Variants in SON observed in about 807,000 individuals in gnomAD.
SON encodes the protein protein SON.
SON carries 4 observed loss-of-function variants against 173.3 expected under a neutral mutation model. The ratio of observed to expected loss-of-function variants is 0.02; its 90% confidence interval spans 0.01 to 0.05. SON has a LOEUF of 0.05. Ranked by LOEUF, SON falls within the 10% of genes least tolerant of loss-of-function variation. The pLI, the probability that SON is intolerant of heterozygous loss-of-function variation, is 1.00. For synonymous variants in SON, 1,190 were observed against 1,105.9 expected, an observed-to-expected ratio of 1.08 and a Z score of -1.51; for missense variants, 2,626 against 3,055.3, an observed-to-expected ratio of 0.86 and a Z score of 3.31.
At chr21:33,568,824 G>A (rs932312371) in intron 7 of SON, 147 bp from the exon 8 acceptor site, 8 of 544,878 alleles carry the variant, frequency 1.5e-5, no homozygotes, top group Admixed American at 3.4e-5. Flanking sequence ...TGCTTCTTTA[G>A]AAAGTTTAGG....
At chr21:33,558,645 C>G (rs1480882042) in intron 4 of SON, 1 of 152,204 alleles carries the variant, frequency 6.6e-6, no homozygotes, top group East Asian at 1.9e-4. Flanking sequence ...CTTCAGCCTT[C>G]TTGTCCCAAG....
rs372985775 is a variant in SON, at chr21:33,559,185, A to G, written c.6322-45A>G. On this transcript the variant is annotated intron_variant, in intron 4 of 11. Coordinates refer to ENST00000356577, the MANE Select transcript of SON (RefSeq NM_138927.4). This position sits in a 1 kb window ranked among gnomAD's most constrained non-coding sequence, Gnocchi z 4.1. ...TTGATTCTAAGAAATTACATGTTCT[A>G]CATAAAGCGTAAGATTTATCTTTTG... The G allele has an allele frequency of 2.8e-6, 4 of 1,417,408 alleles. No homozygotes were observed. Among genetic ancestry groups the G allele is most frequent in the African/African-American group, 2.9e-5 (2 of 68,300 alleles). The allele number at this position is 1,417,408 out of a possible 1,614,324, so 87.8% of individuals were successfully genotyped here. A position where few individuals can be genotyped will look rare whatever the true frequency, so the allele number is the denominator to read the frequency against.
chr21:33,553,136 C>G lies in SON; in HGVS notation c.3905C>G (p.Pro1302Arg). ...GAACCAACTGTGTTAGCATCAGAGC[C>G]TCCTGTTATGTCAGAGACAGCAGAA... ...SAEPTVLASE[P>R]PVMSETAETF... Residue 1302 changes from proline to arginine, a missense_variant, in exon 3 of 12, where the codon CCT (proline) becomes CGT (arginine). Transcript: ENST00000356577. 1.2e-6 allele frequency: 2 copies of G among 1,614,218 alleles called. No individual in the cohort carries two copies. The highest frequency in any genetic ancestry group is 1.7e-6 in the Non-Finnish European group (2 of 1,180,046).
chr21:33,562,078 A>G (rs1271989581), intron 6 of SON, among the ~76,000 whole-genome samples: 1 of 152,222 alleles, frequency 6.6e-6, no homozygotes, highest in East Asian at 1.9e-4. Context: ...TCATATCTGC[A>G]CTTTTACCTG....
rs372497392 is a variant in SON at position 33,550,526 on chromosome 21, C to G, written c.1295C>G (p.Ala432Gly). The G allele has an allele frequency of 6.2e-7, 1 of 1,613,738 alleles. No individual in the cohort carries two copies. ...GTGCCTGAGTTGCCAGGGCCCCCTGCGACAGCAGTGCCTGAGTTGCCAGGG... is the reference window on the plus strand; with the variant it reads ...GTGCCTGAGTTGCCAGGGCCCCCTGGGACAGCAGTGCCTGAGTTGCCAGGG... Reference protein sequence around the residue: ...TPVPELPGPPATAVPELPGPS... With the variant: ...TPVPELPGPPGTAVPELPGPS... The change falls in exon 3 of 12, where the codon GCG becomes GGG. Residue 432 changes from alanine to glycine, a missense_variant. By Grantham distance (60) the Ala-to-Gly change is moderately conservative. Around this residue, in one of 13 missense-constraint regions of SON, gnomAD observed 757 missense variants for 730.1 expected, o/e 1.04. Coordinates refer to ENST00000356577, the MANE Select transcript of SON (RefSeq NM_138927.4).
At chr21:33,549,073 A>G (rs1208226096) in intron 2 of SON, among the ~76,000 whole-genome samples, 1 of 149,034 alleles carries the variant, frequency 6.7e-6, no homozygotes, top group Non-Finnish European at 1.5e-5. Flanking sequence ...GAGGTGTTAT[A>G]CTGTGGGGTT....
At position 33,549,944 on chromosome 21, in the gene SON, T is replaced by A; in HGVS notation, c.713T>A (p.Met238Lys). Residue 238 changes from methionine (M) to lysine (K), a missense_variant, in exon 3 of 12, where the codon ATG becomes AAG. This residue lies in a region of SON where 757 missense variants were observed against 730.1 expected (regional missense o/e 1.04). Coordinates refer to ENST00000356577, the MANE Select transcript of SON (RefSeq NM_138927.4). ...QSVAVMPEPS[M>K]TKILDSFAAA... The stretch of plus-strand genomic sequence containing the variant: ...GTGGCAGTAATGCCAGAACCATCCA[T>A]GACAAAGATTCTGGATTCCTTTGCA... 2 of 1,614,206 alleles carry A rather than the reference T, an allele frequency of 1.2e-6. No individual in the cohort carries two copies. The highest frequency in any genetic ancestry group is 1.7e-6 in the Non-Finnish European group (2 of 1,180,052).
Position 33,573,463 on chromosome 21 carries a change from GTTCT to G in SON, c.7033+11_7033+14del, listed in dbSNP as rs746691898. 2 of 1,604,514 alleles carry G rather than the reference GTTCT, an allele frequency of 1.2e-6. No homozygotes were observed. The highest frequency in any genetic ancestry group is 1.1e-5 in the South Asian group (1 of 89,660). On this transcript the variant is annotated intron_variant, in intron 9 of 11. Transcript: ENST00000356577. Reference sequence around the variant, plus strand: ...TTAAGACAGACCGAAAAGGTAACAAGTTCTTTTTTGGAATGTTTATTAACGTCTC... The same window carrying G: ...TTAAGACAGACCGAAAAGGTAACAAGTTTTTGGAATGTTTATTAACGTCTC...
chr21:33,552,969 G>A lies in SON; in HGVS notation c.3738G>A (p.Val1246=). ...CAGTTTTAGTATCAGAGGCTGCTGTGACTGTTCCAGAACCACCACCAGAGC... is the reference window on the plus strand; with the variant it reads ...CAGTTTTAGTATCAGAGGCTGCTGTAACTGTTCCAGAACCACCACCAGAGC... The part of the protein sequence containing the change: ...DPSVLVSEAA[V]TVPEPPPEPE... The change falls in exon 3 of 12, where the codon GTG becomes GTA. Residue 1246 remains valine, a synonymous_variant. Transcript: ENST00000356577. This position sits in a 1 kb window ranked among gnomAD's most constrained non-coding sequence, Gnocchi z 5.6. The A allele has an allele frequency of 6.2e-7, 1 of 1,614,162 alleles. No homozygotes were observed. Among genetic ancestry groups the A allele is most frequent in the Non-Finnish European group, 8.5e-7 (1 of 1,180,006 alleles).
At chr21:33,575,247 G>A (rs1421717273) in intron 9 of SON, among the ~76,000 whole-genome samples, 1 of 151,960 alleles carries the variant, frequency 6.6e-6, no homozygotes, top group Admixed American at 6.6e-5. Flanking sequence ...TGTTGGCCAG[G>A]CTGGTCTCAG....
intron 3 of SON, among the ~76,000 whole-genome samples, chr21:33,555,867 G>A (rs562926518): frequency 1.3e-5 from 2 of 152,284 alleles, no homozygotes; most frequent in East Asian, 3.9e-4. Flanking sequence ...GGTATAGTTG[G>A]TAATGGAAGT....
At chr21:33,563,666 T>C (rs1353621586) in intron 6 of SON, among the ~76,000 whole-genome samples, 1 of 152,220 alleles carries the variant, frequency 6.6e-6, no homozygotes, top group African/African-American at 2.4e-5. Context: ...GTTCTTTTTA[T>C]GTCAACAGTT....
At position 33,553,989 on chromosome 21, in the gene SON, A is replaced by G. The variant is rs773829205; in HGVS notation, c.4758A>G (p.Glu1586=). ...TGGATACCTACCCTGGTGTTAGTGA[A>G]GCTGATGCAGGAGAAACTCTATCTT... ...TVLDTYPGVS[E]ADAGETLSST... is the part of the protein sequence containing the mutation. Residue 1586 remains glutamate, a synonymous_variant, in exon 3 of 12, where the codon GAA becomes GAG. Transcript: ENST00000356577. The G allele has an allele frequency of 8.1e-6, 13 of 1,614,042 alleles. No homozygotes were observed. The highest frequency in any genetic ancestry group is 1.1e-5 in the Non-Finnish European group (13 of 1,180,010).
In SON at chr21:33,566,946, C is replaced by T. The variant is rs117112279; in HGVS notation, c.6658-211C>T. Among the ~76,000 whole-genome samples the T allele has an allele frequency of 2.4e-3, 360 of 152,150 alleles. 1 individual carries two copies. The highest frequency in any genetic ancestry group is 3.2e-3 in the Non-Finnish European group (215 of 67,996). ...CAGTCAGATTTTGGGTTCAGTTCTG[C>T]GACCTGTGTGATACTTTGTAATTTA... is the stretch of plus-strand genomic sequence containing the variant. On this transcript the variant is annotated intron_variant, in intron 6 of 11. Transcript: ENST00000356577.
intron 2 of SON, among the ~76,000 whole-genome samples, chr21:33,548,005 G>A (rs906043479): frequency 2.0e-5 from 3 of 152,094 alleles, no homozygotes; most frequent in African/African-American, 7.2e-5. Context: ...TTACAGGCGT[G>A]AGCCACAGTG....
chr21:33,563,882 T>G lies in SON; in HGVS notation c.6658-3275T>G, dbSNP rs189146387. Among the ~76,000 whole-genome samples, 381 of 152,164 alleles carry G rather than the reference T, an allele frequency of 2.5e-3. 1 individual carries two copies. The highest frequency in any genetic ancestry group is 8.9e-3 in the African/African-American group (371 of 41,520). On this transcript the variant is annotated intron_variant, in intron 6 of 11. Coordinates refer to ENST00000356577, the MANE Select transcript of SON (RefSeq NM_138927.4). ...TGCTTTCTTGCTGAGGGAGAGAGAG[T>G]GAAGAATTTGGGCAGTTTTTATTTA...
rs186491051 is a variant in SON, at chr21:33,548,403, T to C, written c.245-1073T>C. Among the ~76,000 whole-genome samples the C allele has an allele frequency of 5.0e-3, 759 of 152,320 alleles. 9 individuals are homozygous for C. Among genetic ancestry groups the C allele is most frequent in the African/African-American group, 0.017 (715 of 41,560 alleles). On this transcript the variant is annotated intron_variant, in intron 2 of 11. Coordinates refer to ENST00000356577, the MANE Select transcript of SON (RefSeq NM_138927.4). Reference sequence around the variant, plus strand: ...TAAAACAGAAACATTTAAAAAGTTATTTTAGTGGTTTCAGAATAGTATTGG... The same window carrying C: ...TAAAACAGAAACATTTAAAAAGTTACTTTAGTGGTTTCAGAATAGTATTGG...
chr21:33,553,353 T>A lies in SON; in HGVS notation c.4122T>A (p.Thr1374=). The stretch of plus-strand genomic sequence containing the variant: ...CCGTCCTGGAGTCTTCGACTGTGAC[T>A]GTCCTGGAGTCTTCGACTGTAACTG... ...AVTVLESSTV[T]VLESSTVTVL... Residue 1374 remains threonine, a synonymous_variant, in exon 3 of 12, where the codon ACT becomes ACA. Transcript: ENST00000356577. 6.2e-7 allele frequency: 1 copy of A among 1,611,462 alleles called. No homozygotes were observed. The highest frequency in any genetic ancestry group is 8.5e-7 in the Non-Finnish European group (1 of 1,177,940).
chr21:33,566,733 T>C (rs1021035957), intron 6 of SON, among the ~76,000 whole-genome samples: 1 of 152,152 alleles, frequency 6.6e-6, no homozygotes, highest in Non-Finnish European at 1.5e-5. Flanking sequence ...TGCTTACTGC[T>C]CTTGAAGGTT....
Sources: gnomAD v4.1 joint callset for allele counts (sites outside exome capture counted in the v4.1 genomes callset) on GRCh38, gnomAD v4.1.1 for gene constraint, gnomAD v4.1.1 regional missense constraint, Gnocchi (gnomAD v3.1) non-coding constraint, MANE v1.5 for transcripts, NCBI Gene and HGNC (gene_info 2026-07-23, HGNC 2026-07-21) for gene names.